PHKA1: variants seen among roughly 807,000 people sequenced by gnomAD.
The protein encoded by PHKA1 is phosphorylase kinase regulatory subunit alpha 1, also known as phosphorylase b kinase regulatory subunit alpha, skeletal muscle isoform.
A neutral mutation model predicts 110.2 loss-of-function variants in PHKA1; 60 were observed. The observed-to-expected ratio is 0.54, with a 90% CI of 0.44 to 0.68. The LOEUF (loss-of-function observed/expected upper bound fraction) is 0.68. Ranked by LOEUF, PHKA1 falls within the 30% of genes least tolerant of loss-of-function variation. The pLI is 0.00. For missense variants in PHKA1, 801 were observed against 942.5 expected (o/e 0.85, Z 1.97); for synonymous variants, 316 against 333.6 (o/e 0.95, Z 0.58).
chrX:72,599,851 G>A (rs1167953272), intron 28 of PHKA1: 2 of 547,253 alleles, frequency 3.7e-6, no homozygotes, highest in Non-Finnish European at 6.7e-6. Context: ...ATACCCAGGG[G>A]ATGACCACCA....
At chrX:72,667,559 C>T (rs1662622248) in intron 6 of PHKA1, 86 bp from the exon 7 acceptor site, 3 of 631,361 alleles carry the variant, frequency 4.8e-6, no homozygotes, top group Admixed American at 2.5e-5. Context: ...CTTATCAACA[C>T]ACATGATGTC....
At position 72,593,246 on chromosome X, in the gene PHKA1, C is replaced by T. The variant is rs2052546170; in HGVS notation, c.3101G>A (p.Ser1034Asn). 2 of 1,205,433 alleles carry T rather than the reference C, an allele frequency of 1.7e-6. No homozygotes were observed. The highest frequency in any genetic ancestry group is 2.3e-4 in the Middle Eastern group (1 of 4,346). ...ATCATATGCACTAGGAAAGGACCCA[C>T]TACTTGGAGTCATAGAGGTTCCAGG... The part of the protein sequence containing the change: ...QSPGTSMTPS[S>N]GSFPSAYDQQ... Residue 1034 changes from serine to asparagine, a missense_variant, in exon 29 of 32, where the codon AGT becomes AAT. By Grantham distance (46) the Ser-to-Asn change is conservative. Around this residue, in one of 2 missense-constraint regions of PHKA1, gnomAD observed 502 missense variants for 519.2 expected, o/e 0.97. Coordinates refer to ENST00000373542, the MANE Select transcript of PHKA1 (RefSeq NM_002637.4).
intron 6 of PHKA1, among the ~76,000 whole-genome samples, chrX:72,672,103 C>T (rs1230262909): frequency 8.9e-6 from 1 of 112,026 alleles, no homozygotes; most frequent in Non-Finnish European, 1.9e-5. Flanking sequence ...GCAGAATTAA[C>T]ACCACATGGA....
At chrX:72,650,327 G>C (rs2147756914) in intron 13 of PHKA1, 63 bp downstream of exon 13, 1 of 890,912 alleles carries the variant, frequency 1.1e-6, no homozygotes, top group South Asian at 2.1e-5. Flanking sequence ...CTAGCCTAAA[G>C]ATCTCTGCCC....
intron 6 of PHKA1, among the ~76,000 whole-genome samples, chrX:72,671,747 C>T (rs1186667606): frequency 9.0e-6 from 1 of 110,918 alleles, no homozygotes; most frequent in African/African-American, 3.3e-5. Flanking sequence ...AGATATAGAC[C>T]GATGGAACAG....
rs1349683999 is a variant in PHKA1 at position 72,605,330 on chromosome X, C to A, written c.2756G>T (p.Arg919Leu). The change falls in exon 25 of 32, where the codon CGA becomes CTA. Residue 919 changes from arginine to leucine, a missense_variant. By Grantham distance (102) the Arg-to-Leu change is moderately radical. This residue lies in a region of PHKA1 where 502 missense variants were observed against 519.2 expected (regional missense o/e 0.97). Transcript: ENST00000373542. ...PGLFAEMFRL[R>L]IGLIIQVMAT... Reference sequence around the variant, plus strand: ...CATAACTTGTATGATCAGACCAATTCGAAGTCGAAACATTTCAGCAAAGAG... The same window carrying A: ...CATAACTTGTATGATCAGACCAATTAGAAGTCGAAACATTTCAGCAAAGAG... The A allele has an allele frequency of 3.9e-5, 47 of 1,203,452 alleles. No homozygotes were observed. In the Admixed American group the frequency reaches 1.0e-3, roughly 26 times the overall value.
chrX:72,587,851 T>C (rs782137941), intron 29 of PHKA1, among the ~76,000 whole-genome samples: 1 of 111,794 alleles, frequency 8.9e-6, no homozygotes, highest in African/African-American at 3.3e-5. Flanking sequence ...CATTCCATAA[T>C]GGTAAAGGGA....
At chrX:72,623,320 CT>C (rs782258029) in intron 17 of PHKA1, 45 bp from the exon 18 acceptor site, 12 of 1,044,232 alleles carry the variant, frequency 1.1e-5, no homozygotes, top group Middle Eastern at 2.5e-4. Flanking sequence ...AGGGGTGATC[CT>C]TTTTAAACAA....
At chrX:72,613,795 A>G (rs1200856418) in intron 21 of PHKA1, among the ~76,000 whole-genome samples, 1 of 112,207 alleles carries the variant, frequency 8.9e-6, no homozygotes, top group Non-Finnish European at 1.9e-5. Flanking sequence ...ACTAATCAAC[A>G]CTATGATATG....
intron 16 of PHKA1, among the ~76,000 whole-genome samples, chrX:72,632,557 A>T (rs1419205891): frequency 2.7e-5 from 3 of 110,428 alleles, no homozygotes. Flanking sequence ...TATTTTAGGG[A>T]TATCTATTGT....
intron 6 of PHKA1, among the ~76,000 whole-genome samples, chrX:72,675,765 A>G (rs1336155148): frequency 9.0e-6 from 1 of 110,584 alleles, no homozygotes; most frequent in Non-Finnish European, 1.9e-5. Flanking sequence ...CGAAAGGAAT[A>G]AAAGCCTTCT....
chrX:72,650,288 T>A, intron 13 of PHKA1, 102 bp downstream of exon 13: 1 of 645,198 alleles, frequency 1.5e-6, no homozygotes, highest in South Asian at 2.5e-5. Context: ...CCTAATAAAG[T>A]GCAACATATA....
intron 4 of PHKA1, among the ~76,000 whole-genome samples, chrX:72,687,897 G>T (rs1220461615): frequency 9.3e-6 from 1 of 107,403 alleles, no homozygotes; most frequent in African/African-American, 3.4e-5. Context: ...CATGATCCTG[G>T]CTTACTGCAA....
At position 72,650,442 on chromosome X, in the gene PHKA1, A is replaced by T. The variant is rs1060499719; in HGVS notation, c.1272T>A (p.Asp424Glu). The T allele has an allele frequency of 1.7e-6, 2 of 1,209,394 alleles. No homozygotes were observed. Among genetic ancestry groups the T allele is most frequent in the African/African-American group, 3.5e-5 (2 of 57,806 alleles). ...CAGTAGAAAACCTGCGATTCAGGGG[A>T]TCAATTTCTCCAGGGGCTAAAAATC... The part of the protein sequence containing the change: ...AEGFLAPGEI[D>E]PLNRRFSTVP... Residue 424 changes from aspartate (D) to glutamate (E), a missense_variant, in exon 13 of 32, where the codon GAT becomes GAA. Asp to Glu is a conservative substitution (Grantham distance 45). Coordinates refer to ENST00000373542, the MANE Select transcript of PHKA1 (RefSeq NM_002637.4).
intron 25 of PHKA1, among the ~76,000 whole-genome samples, chrX:72,604,165 A>G (rs2052696729): frequency 9.1e-6 from 1 of 110,418 alleles, no homozygotes; most frequent in South Asian, 3.9e-4. Flanking sequence ...AAAAAAAAAC[A>G]ACATTATACT....
At chrX:72,638,591 T>C (rs1006812630) in intron 14 of PHKA1, among the ~76,000 whole-genome samples, 4 of 111,253 alleles carry the variant, frequency 3.6e-5, no homozygotes, top group African/African-American at 1.3e-4. Context: ...TTTATTTTAG[T>C]AGGCAGATAC....
At chrX:72,620,704 G>A in intron 19 of PHKA1, 21 bp downstream of exon 19, 1 of 1,176,979 alleles carries the variant, frequency 8.5e-7, no homozygotes, top group South Asian at 1.8e-5. Context: ...CCTGACTCTG[G>A]TGAGTCACGG....
intron 2 of PHKA1, among the ~76,000 whole-genome samples, chrX:72,709,653 G>A (rs1443931575): frequency 2.7e-5 from 3 of 110,301 alleles, no homozygotes; most frequent in African/African-American, 6.6e-5. Flanking sequence ...AAAATCACCC[G>A]GGTAGTTTTT....
At chrX:72,651,542 GTAAAA>G (rs1556299075) in intron 12 of PHKA1, among the ~76,000 whole-genome samples, 2 of 109,375 alleles carry the variant, frequency 1.8e-5, no homozygotes, top group African/African-American at 6.7e-5. Context: ...GTCTCAAAAA[GTAAAA>G]TAAAATAAAA....
Sources: allele counts gnomAD v4.1 joint callset (sites outside exome capture counted in the v4.1 genomes callset), GRCh38; gene constraint gnomAD v4.1.1; regional missense constraint gnomAD v4.1.1; transcripts MANE v1.5; gene names NCBI Gene and HGNC (gene_info 2026-07-23, HGNC 2026-07-21).